The following FAM168A variants were observed in gnomAD, a reference collection of about 807,000 sequenced individuals.
FAM168A encodes family with sequence similarity 168 member A, also known as protein FAM168A.
FAM168A carries 3 observed loss-of-function variants against 28.5 expected under a neutral mutation model. That is an observed-to-expected ratio of 0.11 (90% CI 0.05 to 0.27). The LOEUF (loss-of-function observed/expected upper bound fraction) is 0.27, where lower values mean the gene tolerates loss of function less well. FAM168A is among the 10% of genes least tolerant of loss of function. FAM168A has a pLI of 1.00. For missense variants in FAM168A, 222 were observed against 311.5 expected, an observed-to-expected ratio of 0.71 and a Z score of 2.16; for synonymous variants, 122 against 124.2, an observed-to-expected ratio of 0.98 and a Z score of 0.12.
intron 2 of FAM168A, among the ~76,000 whole-genome samples, chr11:73,453,042 A>C (rs769557790): frequency 6.6e-6 from 1 of 152,234 alleles, no homozygotes; most frequent in Non-Finnish European, 1.5e-5. Context: ...TGAATTCTGA[A>C]GATAAGACAT....
In FAM168A at chr11:73,515,327, C is replaced by T. The variant is rs191767617; in HGVS notation, c.-18-46835G>A. 5.3e-4 allele frequency among the ~76,000 whole-genome samples: 81 copies of T among 152,098 alleles called. 1 individual carries two copies. Among genetic ancestry groups the T allele is most frequent in the African/African-American group, 1.7e-3 (69 of 41,518 alleles). ...GAGTTCAAGACCAGCCTGACCAATA[C>T]GGTGAAGCTCCATCTCTGCCAAAAA... On this transcript the variant is annotated intron_variant, in intron 1 of 7. Coordinates refer to ENST00000356467, the MANE Select transcript of FAM168A (RefSeq NM_015159.3).
intron 3 of FAM168A, among the ~76,000 whole-genome samples, chr11:73,427,396 ACTCAAT>A (rs1370736671): frequency 6.6e-6 from 1 of 152,074 alleles, no homozygotes; most frequent in Non-Finnish European, 1.5e-5. Flanking sequence ...GCCAGGATGT[ACTCAAT>A]CTCAATCTCT....
chr11:73,430,563 A>T, intron 3 of FAM168A, 127 bp downstream of exon 3: 1 of 852,730 alleles, frequency 1.2e-6, no homozygotes, highest in Non-Finnish European at 2.0e-6. Context: ...TCCCAGGAAA[A>T]TCCAGCCTGG....
chr11:73,416,004 C>T (rs774490521), intron 4 of FAM168A, among the ~76,000 whole-genome samples: 12 of 152,244 alleles, frequency 7.9e-5, no homozygotes, highest in Non-Finnish European at 1.8e-4. Context: ...GTTCAGGGCT[C>T]ACCCTGCCCT....
At chr11:73,560,817 C>T (rs1316592442) in intron 1 of FAM168A, among the ~76,000 whole-genome samples, 3 of 152,198 alleles carry the variant, frequency 2.0e-5, no homozygotes, top group African/African-American at 7.2e-5. Flanking sequence ...AATCCCAGCA[C>T]TTTGGGAGGC....
At chr11:73,508,818 CA>C (rs1345637788) in intron 1 of FAM168A, among the ~76,000 whole-genome samples, 3 of 152,136 alleles carry the variant, frequency 2.0e-5, no homozygotes, top group Non-Finnish European at 2.9e-5. Context: ...GAAAAATACT[CA>C]AAAAGCCAGT....
intron 1 of FAM168A, among the ~76,000 whole-genome samples, chr11:73,496,394 G>A (rs569478874): frequency 7.9e-5 from 12 of 152,278 alleles, no homozygotes; most frequent in African/African-American, 1.7e-4. Flanking sequence ...TTTCAATGGC[G>A]AAAACTACAA....
intron 1 of FAM168A, among the ~76,000 whole-genome samples, chr11:73,522,023 A>C (rs1473459728): frequency 6.6e-6 from 1 of 152,188 alleles, no homozygotes; most frequent in Non-Finnish European, 1.5e-5. Context: ...CTTTACTAAA[A>C]GGAGGAAAAA....
intron 1 of FAM168A, among the ~76,000 whole-genome samples, chr11:73,514,219 G>C (rs1169998130): frequency 1.3e-5 from 2 of 151,938 alleles, no homozygotes; most frequent in Non-Finnish European, 1.5e-5. Context: ...GCAACAGAGT[G>C]AGACCCTCTC....
intron 2 of FAM168A, among the ~76,000 whole-genome samples, chr11:73,451,506 G>A (rs1867429043): frequency 6.6e-6 from 1 of 152,110 alleles, no homozygotes; most frequent in Admixed American, 6.5e-5. Flanking sequence ...AATAGCAATG[G>A]GTATTACTAA....
chr11:73,491,150 A>G (rs1394358837), intron 1 of FAM168A, among the ~76,000 whole-genome samples: 1 of 152,216 alleles, frequency 6.6e-6, no homozygotes, highest in Non-Finnish European at 1.5e-5. Flanking sequence ...AAACACACAT[A>G]TATACACATA....
chr11:73,571,216 T>TC (rs1944082181), intron 1 of FAM168A, among the ~76,000 whole-genome samples: 2 of 114,556 alleles, frequency 1.7e-5, no homozygotes, highest in African/African-American at 4.1e-5. Context: ...AATTAAACTC[T>TC]CCCTCTCCCC....
chr11:73,581,410 T>G (rs1944242539), intron 1 of FAM168A, among the ~76,000 whole-genome samples: 2 of 152,252 alleles, frequency 1.3e-5, no homozygotes, highest in Non-Finnish European at 2.9e-5. Context: ...ATTTATGAGC[T>G]TCTTTCAAAT....
chr11:73,435,186 A>T (rs1486254171), intron 2 of FAM168A, among the ~76,000 whole-genome samples: 1 of 152,198 alleles, frequency 6.6e-6, no homozygotes, highest in Non-Finnish European at 1.5e-5. Flanking sequence ...TCATCTCTTT[A>T]CCCCCTGATC....
chr11:73,442,360 T>C (rs181059579), intron 2 of FAM168A, among the ~76,000 whole-genome samples: 2,126 of 152,180 alleles, frequency 0.014, 32 homozygotes, highest in African/African-American at 0.041. Flanking sequence ...TCTCCTGACC[T>C]CATGATCCGT....
chr11:73,507,680 T>C (rs912889504), intron 1 of FAM168A, among the ~76,000 whole-genome samples: 4 of 152,232 alleles, frequency 2.6e-5, no homozygotes, highest in African/African-American at 4.8e-5. Context: ...ATGTTATTAT[T>C]GGTAGTTTAC....
intron 1 of FAM168A, among the ~76,000 whole-genome samples, chr11:73,556,153 G>A (rs368143771): frequency 3.8e-4 from 1 of 2,662 alleles, no homozygotes; most frequent in Non-Finnish European, 0.029. Context: ...AGAACAGCCT[G>A]GGCAACATAA....
rs142363483 is a variant in FAM168A, at chr11:73,532,429, A to G, written c.-18-63937T>C. 2.0e-3 allele frequency among the ~76,000 whole-genome samples: 304 copies of G among 152,302 alleles called. 5 individuals carry two copies. The highest frequency in any genetic ancestry group is 6.7e-3 in the African/African-American group (278 of 41,572). On this transcript the variant is annotated intron_variant, in intron 1 of 7. Transcript: ENST00000356467. ...AGAATGAATGGATCCTGGAGCCCTA[A>G]GATTTCCCAATTCATGACAAATCCT...
intron 1 of FAM168A, among the ~76,000 whole-genome samples, chr11:73,495,198 A>G (rs899045590): frequency 6.6e-6 from 1 of 151,004 alleles, no homozygotes; most frequent in Non-Finnish European, 1.5e-5. Context: ...GCATGGTGGC[A>G]GGCACCTGTA....
Sources: gnomAD v4.1 joint callset for allele counts (sites outside exome capture counted in the v4.1 genomes callset) on GRCh38, gnomAD v4.1.1 for gene constraint, MANE v1.5 for transcripts, NCBI Gene and HGNC (gene_info 2026-07-23, HGNC 2026-07-21) for gene names.